Variants in DUT observed in about 807,000 individuals in gnomAD.
The protein encoded by DUT is deoxyuridine triphosphatase, also known as deoxyuridine 5'-triphosphate nucleotidohydrolase, mitochondrial.
Under a neutral mutation model 28.8 loss-of-function variants are expected in DUT, and 21 were observed. The ratio of observed to expected loss-of-function variants is 0.73; its 90% CI spans 0.52 to 1.05. The LOEUF (loss-of-function observed/expected upper bound fraction) is 1.05. DUT is among the 50% of genes least tolerant of loss of function. The pLI, the probability that DUT is intolerant of heterozygous loss-of-function variation, is 0.00. For missense variants in DUT, 344 were observed against 351.8 expected, an observed-to-expected ratio of 0.98 and a Z score of 0.18; for synonymous variants, 147 against 143.7, an observed-to-expected ratio of 1.02 and a Z score of -0.17.
chr15:48,334,341 A>G (rs2042451775), intron 2 of DUT, 76 bp from the exon 3 acceptor site: 10 of 968,132 alleles, frequency 1.0e-5, no homozygotes, highest in Admixed American at 5.0e-5. Context: ...GTAATTTTGT[A>G]TGCTTGGTCA....
At chr15:48,331,236 G>C, upstream of DUT, 1 of 1,483,328 alleles carries the variant, frequency 6.7e-7, no homozygotes. Flanking sequence ...GTACACTCTC[G>C]GAAAAATGGG....
chr15:48,331,364 G>A, upstream of DUT: 4 of 1,462,952 alleles, frequency 2.7e-6, no homozygotes, highest in Non-Finnish European at 3.6e-6. Flanking sequence ...CCATCCCTGG[G>A]CTGCCGGGGC....
At chr15:48,337,330 A>G (rs900342213) in intron 4 of DUT, among the ~76,000 whole-genome samples, 4 of 152,212 alleles carry the variant, frequency 2.6e-5, no homozygotes, top group Middle Eastern at 3.2e-3. Flanking sequence ...AAATAATTGT[A>G]TATATTTTCA....
At chr15:48,332,815 A>T in intron 2 of DUT, 1 of 465,494 alleles carries the variant, frequency 2.1e-6, no homozygotes, top group Non-Finnish European at 4.3e-6. Flanking sequence ...GTTATTTTCT[A>T]TACATTCATC....
At chr15:48,332,707 G>C (rs1213620082) in intron 2 of DUT, 6 of 597,296 alleles carry the variant, frequency 1.0e-5, no homozygotes, top group South Asian at 9.1e-5. Flanking sequence ...AGTGGCCCGA[G>C]GGTGATGCTG....
chr15:48,332,212 C>G (rs2071296), intron 1 of DUT, 56 bp from the exon 2 acceptor site: 16,959 of 1,538,354 alleles, frequency 0.011, 372 homozygotes, highest in Admixed American at 0.082. Flanking sequence ...GCGCTCTCCT[C>G]TTCCCCCGGT....
intron 4 of DUT, among the ~76,000 whole-genome samples, chr15:48,337,852 C>T (rs994489700): frequency 2.0e-5 from 3 of 152,102 alleles, no homozygotes; most frequent in Non-Finnish European, 4.4e-5. Flanking sequence ...ATCCCAGGCT[C>T]TAAATAAGGG....
rs2042412840 is a variant in DUT at position 48,331,728 on chromosome 15, T to C, written c.213T>C (p.Ser71=). ...TGAGCCAAGGCTGCCGCGGAGCCAG[T>C]ACAGTCGGGGCCGCTGGCTGGAAGG... ...GRLSQGCRGA[S]TVGAAGWKGE... The change falls in exon 1 of 7, where the codon AGT becomes AGC. Residue 71 remains serine, a synonymous_variant. Transcript: ENST00000331200. 4 of 1,475,370 alleles carry C rather than the reference T, an allele frequency of 2.7e-6. No homozygotes were observed. In the East Asian group the frequency reaches 1.1e-4, roughly 41 times the overall value. 91.4% of individuals were successfully genotyped at this position (1,475,370 alleles called of 1,614,324 possible).
At chr15:48,333,300 G>A (rs2042439558) in intron 2 of DUT, among the ~76,000 whole-genome samples, 1 of 152,120 alleles carries the variant, frequency 6.6e-6, no homozygotes, top group Non-Finnish European at 1.5e-5. Flanking sequence ...AAGTAGGTAT[G>A]GACAATTGTA....
intron 4 of DUT, chr15:48,340,998 G>C (rs1316050675): frequency 1.6e-5 from 4 of 257,236 alleles, no homozygotes; most frequent in Non-Finnish European, 2.9e-5. Flanking sequence ...GCCGTGGGTA[G>C]ACAGTAGGTT....
At chr15:48,331,289 G>A (rs1597477135), upstream of DUT, 3 of 1,447,286 alleles carry the variant, frequency 2.1e-6, no homozygotes, top group East Asian at 7.6e-5. Context: ...GGGCTAGGCA[G>A]CCAGAGGCGG....
intron 4 of DUT, among the ~76,000 whole-genome samples, chr15:48,336,665 T>A (rs891627347): frequency 6.6e-6 from 1 of 152,200 alleles, no homozygotes; most frequent in Admixed American, 6.5e-5. Flanking sequence ...GTGGTTTCCT[T>A]GTTTCAGGTC....
intron 4 of DUT, chr15:48,341,087 G>A: frequency 2.3e-6 from 1 of 433,198 alleles, no homozygotes; most frequent in Non-Finnish European, 4.1e-6. Context: ...GGAAAATTAG[G>A]ACCTGTTTTC....
intron 1 of DUT, 191 bp downstream of exon 1, chr15:48,331,986 A>G: frequency 2.3e-6 from 2 of 887,494 alleles, no homozygotes; most frequent in Non-Finnish European, 1.6e-6. Flanking sequence ...GCTCCCCTTC[A>G]AAGTTGGCCC....
chr15:48,335,612 T>G (rs565820986), intron 3 of DUT, among the ~76,000 whole-genome samples: 2 of 152,292 alleles, frequency 1.3e-5, no homozygotes, highest in Non-Finnish European at 2.9e-5. Context: ...GTACATGTTG[T>G]GGTGTCCCAT....
intron 4 of DUT, among the ~76,000 whole-genome samples, chr15:48,340,783 G>A (rs2042525412): frequency 6.6e-6 from 1 of 152,168 alleles, no homozygotes; most frequent in Admixed American, 6.5e-5. Flanking sequence ...TTCATTTTTA[G>A]TGTAAAAATG....
chr15:48,339,164 T>C (rs1364293834), intron 4 of DUT, among the ~76,000 whole-genome samples: 1 of 152,018 alleles, frequency 6.6e-6, no homozygotes. Context: ...ATATCTTGTA[T>C]CTAAAAAGAA....
chr15:48,335,249 A>G (rs549528063), intron 3 of DUT, among the ~76,000 whole-genome samples: 9 of 152,122 alleles, frequency 5.9e-5, no homozygotes, highest in Non-Finnish European at 1.0e-4. Context: ...CATTATTGAC[A>G]AAGTGCCTGA....
upstream of DUT, chr15:48,331,426 CAT>C (rs2042405763): frequency 6.4e-7 from 1 of 1,559,650 alleles, no homozygotes; most frequent in Non-Finnish European, 8.7e-7. Context: ...CTTCCGAGGT[CAT>C]GTTCCCAGGA....
Sources: allele counts gnomAD v4.1 joint callset (sites outside exome capture counted in the v4.1 genomes callset), GRCh38; gene constraint gnomAD v4.1.1; transcripts MANE v1.5; gene names NCBI Gene and HGNC (gene_info 2026-07-23, HGNC 2026-07-21).